GRM3: variants seen among roughly 807,000 people sequenced by gnomAD.
GRM3 encodes glutamate metabotropic receptor 3, also known as metabotropic glutamate receptor 3.
GRM3 carries 26 observed loss-of-function variants against 70.5 expected under a neutral mutation model. The observed-to-expected ratio is 0.37, with a 90% CI of 0.27 to 0.51. The LOEUF is 0.51. GRM3 is among the 20% of genes least tolerant of loss of function. The probability of loss-of-function intolerance (pLI) is 0.93; values close to 1 mark genes in which losing one functional copy is unlikely to be tolerated. For synonymous variants in GRM3, 443 were observed against 434.9 expected, an observed-to-expected ratio of 1.02 and a Z score of -0.23; for missense variants, 859 against 1,123.8, an observed-to-expected ratio of 0.76 and a Z score of 3.37.
rs142318168 is a variant in GRM3 at position 86,792,546 on chromosome 7, A to G, written c.1324+5430A>G. On this transcript the variant is annotated intron_variant, in intron 3 of 5. Transcript: ENST00000361669. ...AGAAATTGAGAACTTGACACAAAAGAAAATTCATCCAAGTTCACATAATGA... is the reference window on the plus strand; with the variant it reads ...AGAAATTGAGAACTTGACACAAAAGGAAATTCATCCAAGTTCACATAATGA... 4.8e-3 allele frequency among the ~76,000 whole-genome samples: 738 copies of G among 152,304 alleles called. 5 individuals are homozygous for G. Among genetic ancestry groups the G allele is most frequent in the African/African-American group, 0.017 (701 of 41,560 alleles).
chr7:86,725,253 A>G (rs1795564541), intron 1 of GRM3, among the ~76,000 whole-genome samples: 1 of 152,178 alleles, frequency 6.6e-6, no homozygotes, highest in African/African-American at 2.4e-5. Flanking sequence ...TAAAAGCCTA[A>G]GCACAGTGTC....
intron 1 of GRM3, among the ~76,000 whole-genome samples, chr7:86,666,232 A>G (rs979397328): frequency 6.6e-6 from 1 of 152,038 alleles, no homozygotes; most frequent in African/African-American, 2.4e-5. Context: ...GTATCTCACT[A>G]CAGAAAATGA....
rs997862183 is a variant in GRM3 at position 86,856,633 on chromosome 7, A to T, written c.2566+6089A>T. On this transcript the variant is annotated intron_variant, in intron 5 of 5. Transcript: ENST00000361669. The stretch of plus-strand genomic sequence containing the variant: ...AAAGAAAGTCCACAGCATTCCTGAG[A>T]ATCTCATTCCATTCCCTTTTACTCC... Among the ~76,000 whole-genome samples, 5 of 152,152 alleles carry T rather than the reference A, an allele frequency of 3.3e-5. No homozygotes were observed. The South Asian group carries it at 1.0e-3, about 32-fold the overall frequency.
At chr7:86,660,685 T>C (rs1187335440) in intron 1 of GRM3, among the ~76,000 whole-genome samples, 1 of 151,916 alleles carries the variant, frequency 6.6e-6, no homozygotes, top group East Asian at 1.9e-4. Flanking sequence ...GAATATCAAC[T>C]AGGCTATGCA....
At chr7:86,803,351 T>G (rs1797722987) in intron 3 of GRM3, among the ~76,000 whole-genome samples, 1 of 152,230 alleles carries the variant, frequency 6.6e-6, no homozygotes, top group Non-Finnish European at 1.5e-5. Context: ...ATTTGAATCC[T>G]TTCTTTTCAG....
intron 1 of GRM3, among the ~76,000 whole-genome samples, chr7:86,731,553 C>T (rs1795734865): frequency 6.6e-6 from 1 of 152,332 alleles, no homozygotes; most frequent in South Asian, 2.1e-4. Flanking sequence ...TGGTGTTATA[C>T]AGATTTGCCT....
In GRM3 at chr7:86,728,269, C is replaced by T. The variant is rs570970169; in HGVS notation, c.-140-36737C>T. Among the ~76,000 whole-genome samples the T allele has an allele frequency of 2.6e-5, 4 of 152,262 alleles. No homozygotes were observed. The East Asian group carries it at 7.7e-4, about 29-fold the overall frequency. On this transcript the variant is annotated intron_variant, in intron 1 of 5. Transcript: ENST00000361669. ...AGAATTAAGACAACAATGTAACTGGCAGGAGCATTCTCCATCCTGTAAACC... is the reference window on the plus strand; with the variant it reads ...AGAATTAAGACAACAATGTAACTGGTAGGAGCATTCTCCATCCTGTAAACC...
intron 1 of GRM3, among the ~76,000 whole-genome samples, chr7:86,721,479 C>G (rs1367978911): frequency 6.6e-6 from 1 of 152,018 alleles, no homozygotes. Flanking sequence ...AAAGAATAAC[C>G]TATTTCATAA....
rs139804275 is a variant in GRM3 at position 86,659,969 on chromosome 7, A to G, written c.-141+15097A>G. ...AGTCTCAGATTCCTTTGTGTAAAAC[A>G]AAAATGATTGACACGTTGGTGAAAA... is the stretch of plus-strand genomic sequence containing the variant. On this transcript the variant is annotated intron_variant, in intron 1 of 5. Transcript: ENST00000361669. 5.9e-5 allele frequency among the ~76,000 whole-genome samples: 9 copies of G among 152,140 alleles called. No individual in the cohort carries two copies. In the East Asian group the frequency reaches 1.4e-3, roughly 23 times the overall value.
chr7:86,822,715 AC>A (rs1798146687), intron 3 of GRM3, among the ~76,000 whole-genome samples: 1 of 152,170 alleles, frequency 6.6e-6, no homozygotes, highest in African/African-American at 2.4e-5. Flanking sequence ...TCCATGATAC[AC>A]CAATATAGTA....
chr7:86,815,809 G>A (rs761645691), intron 3 of GRM3, among the ~76,000 whole-genome samples: 36 of 151,910 alleles, frequency 2.4e-4, no homozygotes, highest in Middle Eastern at 3.4e-3. Context: ...TTATTTATAG[G>A]TAATCAAATA....
In GRM3 at chr7:86,767,611, T is replaced by A. The variant is rs146938736; in HGVS notation, c.468+1998T>A. ...GTGTATATATATAGTCTGCCATACT[T>A]CAATCATAATTTCCAGATGAATGCC... On this transcript the variant is annotated intron_variant, in intron 2 of 5. Coordinates refer to ENST00000361669, the MANE Select transcript of GRM3 (RefSeq NM_000840.3). 4.3e-3 allele frequency among the ~76,000 whole-genome samples: 633 copies of A among 148,926 alleles called. 8 individuals are homozygous for A. Among genetic ancestry groups the A allele is most frequent in the East Asian group, 0.024 (120 of 4,970 alleles).
intron 1 of GRM3, among the ~76,000 whole-genome samples, chr7:86,713,095 A>T (rs182369582): frequency 6.0e-4 from 91 of 152,198 alleles, no homozygotes; most frequent in African/African-American, 2.1e-3. Flanking sequence ...TCCTACCAGC[A>T]GTGTACAAGG....
At chr7:86,744,322 C>T (rs1796054755) in intron 1 of GRM3, among the ~76,000 whole-genome samples, 1 of 151,844 alleles carries the variant, frequency 6.6e-6, no homozygotes, top group Non-Finnish European at 1.5e-5. Flanking sequence ...ATACAGCCCT[C>T]CGCAATTATC....
At position 86,786,800 on chromosome 7, in the gene GRM3, C is replaced by T. The variant is rs888090610; in HGVS notation, c.1008C>T (p.Tyr336=). The change falls in exon 3 of 6, where the codon TAC becomes TAT. Residue 336 remains tyrosine (Y), a synonymous_variant. Transcript: ENST00000361669. This position sits in a 1 kb window ranked among gnomAD's most constrained non-coding sequence, Gnocchi z 6.0. ...ASQPVRQFDR[Y]FQSLNPYNNH... is the part of the protein sequence containing the mutation. ...AGCCTGTCCGCCAGTTCGACCGCTACTTCCAGAGCCTCAACCCCTACAACA... is the reference window on the plus strand; with the variant it reads ...AGCCTGTCCGCCAGTTCGACCGCTATTTCCAGAGCCTCAACCCCTACAACA... 1.2e-6 allele frequency: 2 copies of T among 1,614,098 alleles called. No homozygotes were observed. The highest frequency in any genetic ancestry group is 2.7e-5 in the African/African-American group (2 of 74,950).
chr7:86,727,190 T>C (rs1795612250), intron 1 of GRM3, among the ~76,000 whole-genome samples: 1 of 152,100 alleles, frequency 6.6e-6, no homozygotes, highest in Non-Finnish European at 1.5e-5. Flanking sequence ...TTGTGGAAGA[T>C]CTTAATGGAA....
At position 86,765,113 on chromosome 7, in the gene GRM3, T is replaced by C; in HGVS notation, c.-33T>C. 9 of 1,531,252 alleles carry C rather than the reference T, an allele frequency of 5.9e-6. No homozygotes were observed. Among genetic ancestry groups the C allele is most frequent in the Non-Finnish European group, 7.0e-6 (8 of 1,145,818 alleles). 94.9% of individuals were successfully genotyped at this position (1,531,252 alleles called of 1,614,324 possible). A position where few individuals can be genotyped will look rare whatever the true frequency, so the allele number is the denominator to read the frequency against. ...CTAGCATGACACATTGGCTCCACCA[T>C]TGATATCTCCCAGAGGTACAGAAAC... On this transcript the variant is annotated 5_prime_UTR_variant, in exon 2 of 6. Transcript: ENST00000361669.
Position 86,839,044 on chromosome 7 carries a change from C to T in GRM3, c.1530C>T (p.Ser510=), listed in dbSNP as rs527768281. The T allele has an allele frequency of 3.6e-5, 58 of 1,613,886 alleles. 2 individuals are homozygous for T. The South Asian group carries it at 5.1e-4, about 14-fold the overall frequency. ...ACTCAGTCCCCACTTCCCAGTGCAGCGACCCCTGTGCCCCCAATGAAATGA... is the reference window on the plus strand; with the variant it reads ...ACTCAGTCCCCACTTCCCAGTGCAGTGACCCCTGTGCCCCCAATGAAATGA... ...SRNSVPTSQC[S]DPCAPNEMKN... Residue 510 remains serine (S), a synonymous_variant, in exon 4 of 6, where the codon AGC becomes AGT. Coordinates refer to ENST00000361669, the MANE Select transcript of GRM3 (RefSeq NM_000840.3). The surrounding 1 kb of genome is among the most constrained non-coding windows in gnomAD (Gnocchi z 4.5).
intron 1 of GRM3, among the ~76,000 whole-genome samples, chr7:86,665,025 A>G (rs1383365148): frequency 6.6e-6 from 1 of 152,090 alleles, no homozygotes; most frequent in East Asian, 1.9e-4. Flanking sequence ...TTGCAATACA[A>G]TAATTTTATT....
Sources: gnomAD v4.1 joint callset for allele counts (sites outside exome capture counted in the v4.1 genomes callset) on GRCh38, gnomAD v4.1.1 for gene constraint, Gnocchi (gnomAD v3.1) non-coding constraint, MANE v1.5 for transcripts, NCBI Gene and HGNC (gene_info 2026-07-23, HGNC 2026-07-21) for gene names.